Variants in BNC2 observed in about 807,000 individuals in gnomAD.
BNC2 encodes basonuclin zinc finger protein 2, also known as zinc finger protein basonuclin-2.
Under a neutral mutation model 76.3 loss-of-function variants are expected in BNC2, and 20 were observed. That is an observed-to-expected ratio of 0.26 (90% CI 0.18 to 0.38). The LOEUF is 0.38. Among genes scored for constraint, BNC2 ranks in the 10% least tolerant of loss-of-function variants. The probability of loss-of-function intolerance (pLI) is 1.00; values close to 1 mark genes in which losing one functional copy is unlikely to be tolerated. For missense variants in BNC2, 1,382 were observed against 1,399.8 expected, an observed-to-expected ratio of 0.99 and a Z score of 0.20; for synonymous variants, 582 against 514.8, an observed-to-expected ratio of 1.13 and a Z score of -1.77.
chr9:16,600,881 T>A (rs1587221036), intron 3 of BNC2, among the ~76,000 whole-genome samples: 1 of 152,192 alleles, frequency 6.6e-6, no homozygotes, highest in East Asian at 1.9e-4. Flanking sequence ...ACCTTTCATC[T>A]GAAATAATAA....
intron 4 of BNC2, among the ~76,000 whole-genome samples, chr9:16,577,246 T>G (rs1819512083): frequency 6.6e-6 from 1 of 152,122 alleles, no homozygotes; most frequent in African/African-American, 2.4e-5. Flanking sequence ...AAATTCTATA[T>G]TTTCTATTTG....
chr9:16,439,529 G>C (rs899285830), intron 5 of BNC2, among the ~76,000 whole-genome samples: 1 of 152,136 alleles, frequency 6.6e-6, no homozygotes, highest in Non-Finnish European at 1.5e-5. Flanking sequence ...TCCGGTTTCA[G>C]CCACTGTGCT....
rs58174243 is a variant in BNC2 at position 16,412,720 on chromosome 9, GGAGAGAGAGAGAGAGAGAGAGAGAGA to G, written c.*6243_*6268del. ...AATAAGAGGGAAGGAGAGAGAGAGGGGAGAGAGAGAGAGAGAGAGAGAGAGAGAGAGAGAGAGAGAGAGAGACTGAC... is the reference window on the plus strand; with the variant it reads ...AATAAGAGGGAAGGAGAGAGAGAGGGGAGAGAGAGAGAGAGAGAGACTGAC... On this transcript the variant is annotated 3_prime_UTR_variant, in exon 7 of 7. Coordinates refer to ENST00000380672, the MANE Select transcript of BNC2 (RefSeq NM_017637.6). 15,450 of 120,050 alleles carry G rather than the reference GGAGAGAGAGAGAGAGAGAGAGAGAGA, an allele frequency of 0.13. 1,119 individuals carry two copies. Among genetic ancestry groups the G allele is most frequent in the African/African-American group, 0.22 (7,824 of 35,152 alleles). The allele number at this position is 120,050 out of a possible 1,614,324, so 7.4% of individuals were successfully genotyped here.
At chr9:16,848,386 C>T (rs567824492) in intron 1 of BNC2, among the ~76,000 whole-genome samples, 1 of 152,154 alleles carries the variant, frequency 6.6e-6, no homozygotes, top group Admixed American at 6.5e-5. Flanking sequence ...TATAATAATC[C>T]ACCCTGGAAC....
chr9:16,616,790 G>GGGAAGGAAGGAA (rs548575000), intron 3 of BNC2, among the ~76,000 whole-genome samples: 1 of 10,338 alleles, frequency 9.7e-5, no homozygotes, highest in African/African-American at 1.5e-4. Context: ...GGAGGAAGGA[G>GGGAAGGAAGGAA]GGAAGGAAGG....
chr9:16,544,042 C>T (rs544253934), intron 5 of BNC2, among the ~76,000 whole-genome samples: 21 of 152,266 alleles, frequency 1.4e-4, no homozygotes, highest in African/African-American at 4.8e-4. Context: ...TGCAGCGACA[C>T]CTTCCTTATG....
intron 5 of BNC2, among the ~76,000 whole-genome samples, chr9:16,503,089 T>G (rs1822554548): frequency 1.3e-5 from 2 of 152,070 alleles, no homozygotes; most frequent in South Asian, 4.2e-4. Context: ...AGAAGAGAAA[T>G]TGCGCACAGT....
chr9:16,453,580 A>T lies in BNC2; in HGVS notation c.670-16056T>A, dbSNP rs530321260. Among the ~76,000 whole-genome samples, 6 of 151,460 alleles carry T rather than the reference A, an allele frequency of 4.0e-5. No individual in the cohort carries two copies. In the East Asian group the frequency reaches 1.2e-3, roughly 29 times the overall value. ...CATTCACTCCTTTCACCCCACTCAC[A>T]TTCTGACGACATTCTGGTGTCAAGG... is the stretch of plus-strand genomic sequence containing the variant. On this transcript the variant is annotated intron_variant, in intron 5 of 6. Transcript: ENST00000380672.
chr9:16,620,346 T>C (rs912263050), intron 3 of BNC2, among the ~76,000 whole-genome samples: 1 of 152,332 alleles, frequency 6.6e-6, no homozygotes, highest in South Asian at 2.1e-4. Flanking sequence ...ACTCTCTTAC[T>C]GACTGACAAA....
chr9:16,728,166 A>G (rs891375747), intron 2 of BNC2, 169 bp from the exon 3 acceptor site: 1 of 722,386 alleles, frequency 1.4e-6, no homozygotes, highest in Non-Finnish European at 2.5e-6. Flanking sequence ...CCTATCATTT[A>G]TGCATAGATT....
intron 1 of BNC2, among the ~76,000 whole-genome samples, chr9:16,753,200 A>G (rs1194617136): frequency 6.6e-6 from 1 of 152,206 alleles, no homozygotes; most frequent in Non-Finnish European, 1.5e-5. Context: ...GCATAAAACT[A>G]CATTCTTCAA....
At chr9:16,632,963 G>C (rs1313088749) in intron 3 of BNC2, among the ~76,000 whole-genome samples, 1 of 152,100 alleles carries the variant, frequency 6.6e-6, no homozygotes, top group Admixed American at 6.6e-5. Flanking sequence ...CATGAGAACT[G>C]ATCATATTAA....
intron 1 of BNC2, among the ~76,000 whole-genome samples, chr9:16,773,964 TG>T (rs1249704926): frequency 2.0e-5 from 3 of 152,200 alleles, no homozygotes; most frequent in East Asian, 3.9e-4. Flanking sequence ...ATTGACAGTA[TG>T]TTTTTTTGTT....
At chr9:16,780,171 G>A (rs1826094131) in intron 1 of BNC2, among the ~76,000 whole-genome samples, 1 of 134,786 alleles carries the variant, frequency 7.4e-6, no homozygotes, top group African/African-American at 2.7e-5. Context: ...GGGAGGCGGA[G>A]CTTGCAGTGA....
intron 5 of BNC2, among the ~76,000 whole-genome samples, chr9:16,471,539 G>A (rs772765932): frequency 8.5e-5 from 13 of 152,172 alleles, no homozygotes; most frequent in African/African-American, 1.2e-4. Context: ...TGATCCGCCC[G>A]CCTTGGCCAC....
At chr9:16,573,777 T>G (rs1055868432) in intron 4 of BNC2, among the ~76,000 whole-genome samples, 6 of 152,184 alleles carry the variant, frequency 3.9e-5, no homozygotes, top group Non-Finnish European at 7.4e-5. Context: ...AAAGTAATAC[T>G]TAAAGCACTT....
intron 3 of BNC2, among the ~76,000 whole-genome samples, chr9:16,584,183 T>C (rs1387463002): frequency 6.6e-6 from 1 of 152,140 alleles, no homozygotes; most frequent in Admixed American, 6.5e-5. Context: ...CAATGATTAC[T>C]GATTCTGGGG....
At chr9:16,589,196 T>G (rs1425334772) in intron 3 of BNC2, among the ~76,000 whole-genome samples, 3 of 152,118 alleles carry the variant, frequency 2.0e-5, no homozygotes, top group Non-Finnish European at 2.9e-5. Context: ...AATTTTGTTG[T>G]TTTTTTCTGA....
intron 5 of BNC2, among the ~76,000 whole-genome samples, chr9:16,508,142 G>C (rs923918335): frequency 6.6e-6 from 1 of 152,162 alleles, no homozygotes; most frequent in African/African-American, 2.4e-5. Context: ...CTGCAACAAA[G>C]GTCCGCATTG....
Sources: allele counts gnomAD v4.1 joint callset (sites outside exome capture counted in the v4.1 genomes callset), GRCh38; gene constraint gnomAD v4.1.1; transcripts MANE v1.5; gene names NCBI Gene and HGNC (gene_info 2026-07-23, HGNC 2026-07-21).